Variants in OSBPL3 observed in about 807,000 individuals in gnomAD.
The protein encoded by OSBPL3 is oxysterol binding protein like 3, also known as oxysterol-binding protein-related protein 3.
In OSBPL3, 65 loss-of-function variants were observed where a neutral mutation model predicts 120.1. The observed-to-expected ratio is 0.54, with a 90% confidence interval of 0.44 to 0.67. The LOEUF (loss-of-function observed/expected upper bound fraction) is 0.67. Ranked by LOEUF, OSBPL3 falls within the 30% of genes least tolerant of loss-of-function variation. OSBPL3 has a pLI of 0.00. For synonymous variants in OSBPL3, 416 were observed against 402.6 expected (o/e 1.03, Z -0.40); for missense variants, 1,004 against 1,082.1 (o/e 0.93, Z 1.01).
chr7:24,843,195 T>C (rs1032727676), intron 12 of OSBPL3, among the ~76,000 whole-genome samples: 1 of 149,760 alleles, frequency 6.7e-6, no homozygotes, highest in South Asian at 2.1e-4. Flanking sequence ...GTGGACTGAA[T>C]GAATGGTGAG....
chr7:24,875,840 A>C (rs1032859674), intron 2 of OSBPL3, among the ~76,000 whole-genome samples: 5 of 152,026 alleles, frequency 3.3e-5, no homozygotes, highest in Non-Finnish European at 7.4e-5. Context: ...GCAATCACTA[A>C]AACACTGGTC....
Position 24,815,438 on chromosome 7 carries a change from AC to A in OSBPL3, c.2028-236del, listed in dbSNP as rs1794354087. Among the ~76,000 whole-genome samples, 1 of 152,184 alleles carries A rather than the reference AC, an allele frequency of 6.6e-6. No individual in the cohort carries two copies. The highest frequency in any genetic ancestry group is 1.5e-5 in the Non-Finnish European group (1 of 68,034). On this transcript the variant is annotated intron_variant, in intron 18 of 22. Coordinates refer to ENST00000313367, the MANE Select transcript of OSBPL3 (RefSeq NM_015550.4). This position sits in a 1 kb window ranked among gnomAD's most constrained non-coding sequence, Gnocchi z 5.1. ...ATTCAGACTTTGCACTCTGGAAGCTACCAGAGGCTTCACTAGAAGCTGGTGG... is the reference window on the plus strand; with the variant it reads ...ATTCAGACTTTGCACTCTGGAAGCTACAGAGGCTTCACTAGAAGCTGGTGG...
In OSBPL3 at chr7:24,896,324, T is replaced by C. The variant is rs984423818; in HGVS notation, c.-149-3703A>G. 2.0e-5 allele frequency among the ~76,000 whole-genome samples: 3 copies of C among 152,240 alleles called. No individual in the cohort carries two copies. The highest frequency in any genetic ancestry group is 4.4e-5 in the Non-Finnish European group (3 of 68,036). ...AGTTCAAAAATGACGTTTGTGCCTC[T>C]AAGATGAGCTTCATTGTCTCTCACC... On this transcript the variant is annotated intron_variant, in intron 1 of 22. Transcript: ENST00000313367. The surrounding 1 kb of genome is among the most constrained non-coding windows in gnomAD (Gnocchi z 4.4).
intron 14 of OSBPL3, among the ~76,000 whole-genome samples, chr7:24,837,099 T>C (rs1797098862): frequency 6.6e-6 from 1 of 152,200 alleles, no homozygotes; most frequent in African/African-American, 2.4e-5. Context: ...CCTCCCAAAG[T>C]CCTGGGATTA....
intron 1 of OSBPL3, among the ~76,000 whole-genome samples, chr7:24,977,113 T>C (rs1298170195): frequency 6.6e-6 from 1 of 152,248 alleles, no homozygotes; most frequent in Non-Finnish European, 1.5e-5. Flanking sequence ...TTCCAGCGCT[T>C]TCTTTAAGAG....
Position 24,806,493 on chromosome 7 carries a change from A to AC in OSBPL3, c.2444+282_2444+283insG, listed in dbSNP as rs1793058991. Among the ~76,000 whole-genome samples, 1 of 152,142 alleles carries AC rather than the reference A, an allele frequency of 6.6e-6. No homozygotes were observed. Among genetic ancestry groups the AC allele is most frequent in the Non-Finnish European group, 1.5e-5 (1 of 68,034 alleles). On this transcript the variant is annotated intron_variant, in intron 21 of 22. Coordinates refer to ENST00000313367, the MANE Select transcript of OSBPL3 (RefSeq NM_015550.4). This position sits in a 1 kb window ranked among gnomAD's most constrained non-coding sequence, Gnocchi z 5.2. Reference sequence around the variant, plus strand: ...GGTTTTAACTTACTTACTTTACACTAAGTTCTTTATTACTGCATGCAGTAA... The same window carrying AC: ...GGTTTTAACTTACTTACTTTACACTACAGTTCTTTATTACTGCATGCAGTAA...
At chr7:24,845,954 C>CA (rs1798395334) in intron 12 of OSBPL3, among the ~76,000 whole-genome samples, 2 of 152,284 alleles carry the variant, frequency 1.3e-5, no homozygotes, top group South Asian at 4.1e-4. Context: ...AGTTCAAGGT[C>CA]AGGCTGGGCA....
intron 1 of OSBPL3, among the ~76,000 whole-genome samples, chr7:24,977,080 G>A (rs540782461): frequency 3.7e-4 from 56 of 152,320 alleles, no homozygotes; most frequent in Non-Finnish European, 6.5e-4. Flanking sequence ...CTCTGCATTA[G>A]AGAACAGAGG....
At position 24,834,198 on chromosome 7, in the gene OSBPL3, T is replaced by C; in HGVS notation, c.1746+288A>G. On this transcript the variant is annotated intron_variant, in intron 15 of 22. Coordinates refer to ENST00000313367, the MANE Select transcript of OSBPL3 (RefSeq NM_015550.4). The surrounding 1 kb of genome is among the most constrained non-coding windows in gnomAD (Gnocchi z 5.2). The stretch of plus-strand genomic sequence containing the variant: ...TTTCCAGCCGGGCACATCGGAACAA[T>C]CAGCCAGAAGGCTTCTGGAGAAAGA... The C allele has an allele frequency of 3.6e-6, 4 of 1,125,208 alleles. No homozygotes were observed. Among genetic ancestry groups the C allele is most frequent in the Non-Finnish European group, 4.4e-6 (4 of 910,626 alleles). 69.7% of individuals were successfully genotyped at this position (1,125,208 alleles called of 1,614,324 possible).
rs1428968403 is a variant in OSBPL3, at chr7:24,938,956, G to A, written c.-150+40930C>T. On this transcript the variant is annotated intron_variant, in intron 1 of 22. Transcript: ENST00000313367. This position sits in a 1 kb window ranked among gnomAD's most constrained non-coding sequence, Gnocchi z 5.8. ...AAATGATGTGATTAATTAAGATGCAGAACACAAGAACAAATGAAACAGAGT... is the reference window on the plus strand; with the variant it reads ...AAATGATGTGATTAATTAAGATGCAAAACACAAGAACAAATGAAACAGAGT... Among the ~76,000 whole-genome samples the A allele has an allele frequency of 2.0e-5, 3 of 151,930 alleles. No homozygotes were observed. The highest frequency in any genetic ancestry group is 1.5e-5 in the Non-Finnish European group (1 of 67,982).
At chr7:24,950,515 G>A (rs1814273577) in intron 1 of OSBPL3, among the ~76,000 whole-genome samples, 1 of 152,198 alleles carries the variant, frequency 6.6e-6, no homozygotes, top group Non-Finnish European at 1.5e-5. Flanking sequence ...GAGGTCAGGA[G>A]ATCGAAACCA....
rs542407296 is a variant in OSBPL3, at chr7:24,854,299, C to A, written c.1028-1665G>T. Among the ~76,000 whole-genome samples, 256 of 152,200 alleles carry A rather than the reference C, an allele frequency of 1.7e-3. No homozygotes were observed. Among genetic ancestry groups the A allele is most frequent in the Non-Finnish European group, 3.1e-3 (211 of 68,018 alleles). On this transcript the variant is annotated intron_variant, in intron 10 of 22. Transcript: ENST00000313367. This position sits in a 1 kb window ranked among gnomAD's most constrained non-coding sequence, Gnocchi z 4.1. Reference sequence around the variant, plus strand: ...CACATTACTGAATTCCACAGGGCTGCATTTTTAGAGGTATTGTTATTCAAG... The same window carrying A: ...CACATTACTGAATTCCACAGGGCTGAATTTTTAGAGGTATTGTTATTCAAG...
chr7:24,895,978 C>T (rs900817870), intron 1 of OSBPL3, among the ~76,000 whole-genome samples: 1 of 152,158 alleles, frequency 6.6e-6, no homozygotes, highest in African/African-American at 2.4e-5. Flanking sequence ...GCCAAAAAGG[C>T]TTCTTGGTCC....
intron 12 of OSBPL3, among the ~76,000 whole-genome samples, chr7:24,845,471 G>T (rs1289792998): frequency 7.1e-6 from 1 of 140,618 alleles, no homozygotes; most frequent in Non-Finnish European, 1.5e-5. Context: ...ATGTGTGTGT[G>T]TGTGAATTAT....
chr7:24,870,408 G>A (rs1029562180), intron 5 of OSBPL3, among the ~76,000 whole-genome samples: 3 of 152,180 alleles, frequency 2.0e-5, no homozygotes, highest in Non-Finnish European at 2.9e-5. Flanking sequence ...TTAACCTATG[G>A]TAAATGGTTC....
At chr7:24,980,478 G>C (rs1388602296), upstream of OSBPL3, among the ~76,000 whole-genome samples, 1 of 152,070 alleles carries the variant, frequency 6.6e-6, no homozygotes, top group African/African-American at 2.4e-5. Flanking sequence ...GGCCCAGCTC[G>C]GTGCCTGCGC....
rs1800723048 is a variant in OSBPL3 at position 24,862,602 on chromosome 7, T to C, written c.870+598A>G. Among the ~76,000 whole-genome samples the C allele has an allele frequency of 6.6e-6, 1 of 152,228 alleles. No individual in the cohort carries two copies. Among genetic ancestry groups the C allele is most frequent in the Non-Finnish European group, 1.5e-5 (1 of 68,036 alleles). On this transcript the variant is annotated intron_variant, in intron 9 of 22. Coordinates refer to ENST00000313367, the MANE Select transcript of OSBPL3 (RefSeq NM_015550.4). The surrounding 1 kb of genome is among the most constrained non-coding windows in gnomAD (Gnocchi z 4.4). ...GACCTAACCAAAAGCTTGAGATTTA[T>C]GTTGATTCTAAAACTGTTGCAATTA...
intron 13 of OSBPL3, among the ~76,000 whole-genome samples, chr7:24,841,964 G>T (rs962287122): frequency 6.6e-6 from 1 of 151,026 alleles, no homozygotes; most frequent in South Asian, 2.1e-4. Flanking sequence ...AGTGAGCTGA[G>T]ATTGCACCAC....
chr7:24,956,588 T>C (rs1815080245), intron 1 of OSBPL3, among the ~76,000 whole-genome samples: 1 of 152,206 alleles, frequency 6.6e-6, no homozygotes, highest in Non-Finnish European at 1.5e-5. Context: ...CATATATACA[T>C]CTATCAAGGA....
Sources: allele counts gnomAD v4.1 joint callset (sites outside exome capture counted in the v4.1 genomes callset), GRCh38; gene constraint gnomAD v4.1.1; non-coding constraint Gnocchi (gnomAD v3.1); transcripts MANE v1.5; gene names NCBI Gene and HGNC (gene_info 2026-07-23, HGNC 2026-07-21).